Variants in CADPS observed in about 807,000 individuals in gnomAD.
CADPS encodes calcium-dependent secretion activator 1.
A neutral mutation model predicts 167.3 loss-of-function variants in CADPS; 57 were observed. The ratio of observed to expected loss-of-function variants is 0.34; its 90% CI spans 0.28 to 0.42. CADPS has a LOEUF of 0.42. Among genes scored for constraint, CADPS ranks in the 20% least tolerant of loss-of-function variants. The pLI, the probability that CADPS is intolerant of heterozygous loss-of-function variation, is 1.00. For missense variants in CADPS, 1,414 were observed against 1,738.1 expected (o/e 0.81, Z 3.32); for synonymous variants, 676 against 635.3 (o/e 1.06, Z -0.96).
chr3:62,595,709 T>C (rs1229256281), intron 6 of CADPS, among the ~76,000 whole-genome samples: 1 of 152,222 alleles, frequency 6.6e-6, no homozygotes, highest in African/African-American at 2.4e-5. Context: ...ATACTGAGTG[T>C]CAACTTGATT....
In CADPS at chr3:62,858,736, A is replaced by G. The variant is rs145715931; in HGVS notation, c.441+15853T>C. On this transcript the variant is annotated intron_variant, in intron 1 of 29. Transcript: ENST00000383710. ...ATTTGTAGTTTATCCACATTACTTT[A>G]ATGATATGTGTTGCTTGAGTTCAAG... is the stretch of plus-strand genomic sequence containing the variant. 2.6e-3 allele frequency among the ~76,000 whole-genome samples: 396 copies of G among 152,260 alleles called. 6 individuals are homozygous for G. The highest frequency in any genetic ancestry group is 3.9e-4 in the East Asian group (2 of 5,188).
intron 17 of CADPS, among the ~76,000 whole-genome samples, 172 bp downstream of exon 17, chr3:62,512,579 C>G (rs1255399742): frequency 6.6e-6 from 1 of 152,108 alleles, no homozygotes; most frequent in Admixed American, 6.6e-5. Flanking sequence ...AGGTCAACAT[C>G]AAATGGGCAT....
chr3:62,569,368 C>CT (rs1468294896), intron 9 of CADPS, among the ~76,000 whole-genome samples: 1 of 152,212 alleles, frequency 6.6e-6, no homozygotes, highest in Non-Finnish European at 1.5e-5. Flanking sequence ...TCCCAAAGTG[C>CT]TGGGATTACA....
chr3:62,725,713 A>AG (rs1465026589), intron 3 of CADPS, among the ~76,000 whole-genome samples: 1 of 151,948 alleles, frequency 6.6e-6, no homozygotes, highest in Non-Finnish European at 1.5e-5. Context: ...GAAGCTCACA[A>AG]GCAAGTCTGT....
At chr3:62,732,598 A>G (rs545269609) in intron 3 of CADPS, among the ~76,000 whole-genome samples, 25 of 152,350 alleles carry the variant, frequency 1.6e-4, no homozygotes, top group African/African-American at 5.5e-4. Context: ...GACAAGAGAC[A>G]ATATAGCATT....
chr3:62,476,326 C>A (rs1298007935), intron 23 of CADPS, among the ~76,000 whole-genome samples: 1 of 152,152 alleles, frequency 6.6e-6, no homozygotes, highest in Admixed American at 6.5e-5. Context: ...TTAAAACATT[C>A]AAAAACTCGT....
chr3:62,857,054 C>T lies in CADPS; in HGVS notation c.441+17535G>A, dbSNP rs141214082. 5.7e-4 allele frequency among the ~76,000 whole-genome samples: 87 copies of T among 152,050 alleles called. 2 individuals are homozygous for T. Among genetic ancestry groups the T allele is most frequent in the African/African-American group, 1.9e-3 (77 of 41,512 alleles). On this transcript the variant is annotated intron_variant, in intron 1 of 29. Transcript: ENST00000383710. Reference sequence around the variant, plus strand: ...TCGAACAACATAACAAACATAAAAACGGTCCATCACAAATGACAAAACTTA... The same window carrying T: ...TCGAACAACATAACAAACATAAAAATGGTCCATCACAAATGACAAAACTTA...
intron 1 of CADPS, among the ~76,000 whole-genome samples, chr3:62,852,477 T>A (rs944918484): frequency 1.3e-5 from 2 of 152,154 alleles, no homozygotes; most frequent in African/African-American, 4.8e-5. Flanking sequence ...TCTTTCATTT[T>A]CCTTTGCCCG....
chr3:62,429,037 T>C (rs187824357), intron 28 of CADPS, among the ~76,000 whole-genome samples: 12 of 152,338 alleles, frequency 7.9e-5, no homozygotes, highest in Non-Finnish European at 1.8e-4. Context: ...AGTAGAATCA[T>C]TTTACCTGTT....
intron 6 of CADPS, among the ~76,000 whole-genome samples, chr3:62,628,583 C>A (rs1416384609): frequency 1.3e-5 from 2 of 148,968 alleles, no homozygotes; most frequent in African/African-American, 4.9e-5. Context: ...TACTCCTTTA[C>A]ACACACACAC....
intron 1 of CADPS, among the ~76,000 whole-genome samples, chr3:62,847,322 C>T (rs2077655605): frequency 1.5e-5 from 2 of 135,430 alleles, no homozygotes; most frequent in Non-Finnish European, 1.5e-5. Flanking sequence ...TACATGTGCA[C>T]ATTGTGCAGG....
Position 62,599,843 on chromosome 3 carries a change from T to TA in CADPS, c.1326-7096dup, listed in dbSNP as rs1404209449. On this transcript the variant is annotated intron_variant, in intron 6 of 29. Coordinates refer to ENST00000383710, the MANE Select transcript of CADPS (RefSeq NM_003716.4). Reference sequence around the variant, plus strand: ...TATATATTATATATATAATATATTATATATATATAATATATATAATATATA... The same window carrying TA: ...TATATATTATATATATAATATATTATAATATATATAATATATATAATATATA... Among the ~76,000 whole-genome samples the TA allele has an allele frequency of 0.016, 67 of 4,202 alleles. 1 individual carries two copies. The South Asian group carries it at 0.16, about 10-fold the overall frequency. 2.8% of individuals were successfully genotyped at this position (4,202 alleles called of 152,430 possible). A position where few individuals can be genotyped will look rare whatever the true frequency, so the allele number is the denominator to read the frequency against.
intron 11 of CADPS, among the ~76,000 whole-genome samples, chr3:62,547,728 T>A (rs543914915): frequency 6.6e-6 from 1 of 151,966 alleles, no homozygotes; most frequent in Non-Finnish European, 1.5e-5. Flanking sequence ...GCCTAACAAC[T>A]AGTGTTCTAA....
intron 6 of CADPS, among the ~76,000 whole-genome samples, chr3:62,641,554 C>G (rs749993167): frequency 2.6e-5 from 4 of 152,160 alleles, no homozygotes; most frequent in Non-Finnish European, 5.9e-5. Flanking sequence ...CATCTCCCTG[C>G]CTTCCTGAGG....
intron 3 of CADPS, among the ~76,000 whole-genome samples, chr3:62,708,777 C>T (rs2082801776): frequency 6.6e-6 from 1 of 151,972 alleles, no homozygotes; most frequent in Non-Finnish European, 1.5e-5. Flanking sequence ...AATGAGGAAG[C>T]CAAATGCTGA....
chr3:62,660,289 C>A (rs761437413), intron 4 of CADPS, among the ~76,000 whole-genome samples: 1 of 152,140 alleles, frequency 6.6e-6, no homozygotes, highest in African/African-American at 2.4e-5. Flanking sequence ...TACTCGTTGT[C>A]TAAAATGCAG....
intron 9 of CADPS, among the ~76,000 whole-genome samples, chr3:62,567,482 C>T (rs1186288866): frequency 1.3e-5 from 2 of 151,406 alleles, no homozygotes; most frequent in African/African-American, 4.9e-5. Flanking sequence ...CAGGCATGCT[C>T]CCAAGTGATT....
At chr3:62,791,997 C>G (rs304216) in intron 1 of CADPS, among the ~76,000 whole-genome samples, 115,651 of 152,090 alleles carry the variant, frequency 0.76, 44,244 homozygotes, top group East Asian at 0.95. Flanking sequence ...CCTTAAACCA[C>G]CTGGACCTTT....
intron 6 of CADPS, among the ~76,000 whole-genome samples, chr3:62,600,546 C>T (rs941407518): frequency 2.0e-5 from 3 of 152,110 alleles, no homozygotes; most frequent in African/African-American, 7.2e-5. Flanking sequence ...AATCTAAAAG[C>T]GCCATATTGG....
Sources: gnomAD v4.1 joint callset for allele counts (sites outside exome capture counted in the v4.1 genomes callset) on GRCh38, gnomAD v4.1.1 for gene constraint, MANE v1.5 for transcripts, NCBI Gene and HGNC (gene_info 2026-07-23, HGNC 2026-07-21) for gene names.